The following PCDH9 variants were observed in gnomAD, a reference collection of about 807,000 sequenced individuals.
The protein encoded by PCDH9 is protocadherin 9.
A neutral mutation model predicts 70.6 loss-of-function variants in PCDH9; 24 were observed. The observed-to-expected ratio is 0.34, with a 90% confidence interval of 0.25 to 0.48. The LOEUF (loss-of-function observed/expected upper bound fraction) is 0.48, where lower values mean the gene tolerates loss of function less well. PCDH9 is among the 20% of genes least tolerant of loss of function. The pLI is 0.99. For missense variants in PCDH9, 1,281 were observed against 1,503.6 expected (o/e 0.85, Z 2.45); for synonymous variants, 562 against 558.5 (o/e 1.01, Z -0.09).
At chr13:66,326,088 C>A (rs572508514) in intron 4 of PCDH9, among the ~76,000 whole-genome samples, 1 of 152,258 alleles carries the variant, frequency 6.6e-6, no homozygotes, top group Admixed American at 6.5e-5. Flanking sequence ...TTTTACTCAC[C>A]TCTGGCTTCT....
chr13:66,992,080 G>A (rs2084014618), intron 2 of PCDH9, among the ~76,000 whole-genome samples: 1 of 151,944 alleles, frequency 6.6e-6, no homozygotes, highest in Admixed American at 6.6e-5. Flanking sequence ...CAGATTTTTT[G>A]ATAAATATAT....
At chr13:66,852,830 A>G (rs951757092) in intron 3 of PCDH9, among the ~76,000 whole-genome samples, 4 of 152,146 alleles carry the variant, frequency 2.6e-5, no homozygotes, top group South Asian at 2.1e-4. Context: ...ACAAATACAG[A>G]TTCCTGAACT....
intron 4 of PCDH9, among the ~76,000 whole-genome samples, chr13:66,487,157 C>G (rs1023882897): frequency 6.6e-6 from 1 of 152,126 alleles, no homozygotes; most frequent in Non-Finnish European, 1.5e-5. Context: ...GACAATGATT[C>G]TCTTGTTTTG....
intron 2 of PCDH9, among the ~76,000 whole-genome samples, chr13:67,058,075 T>C (rs1334418622): frequency 2.0e-5 from 3 of 152,184 alleles, no homozygotes; most frequent in South Asian, 2.1e-4. Context: ...AGAGTTCTTA[T>C]ACGTTATATT....
Position 66,445,077 on chromosome 13 carries a change from C to A in PCDH9, c.3341-140049G>T, listed in dbSNP as rs1958046249. Among the ~76,000 whole-genome samples the A allele has an allele frequency of 2.1e-5, 3 of 146,096 alleles. No individual in the cohort carries two copies. In the South Asian group the frequency reaches 6.3e-4, roughly 31 times the overall value. On this transcript the variant is annotated intron_variant, in intron 4 of 4. Transcript: ENST00000377865. ...AATATATATATAATATGTATTATAT[C>A]TATCATATATAATATTATATATAAT...
intron 2 of PCDH9, among the ~76,000 whole-genome samples, chr13:66,962,468 G>A (rs1297166227): frequency 1.3e-5 from 2 of 152,156 alleles, no homozygotes; most frequent in African/African-American, 4.8e-5. Context: ...TGTCATTGTG[G>A]GAACATCACA....
intron 2 of PCDH9, among the ~76,000 whole-genome samples, chr13:67,189,986 C>G (rs2088866438): frequency 6.6e-6 from 1 of 151,990 alleles, no homozygotes; most frequent in Admixed American, 6.6e-5. Context: ...CAAAATTAGT[C>G]TACCAAAGGC....
intron 3 of PCDH9, among the ~76,000 whole-genome samples, chr13:66,885,831 C>A (rs1214532934): frequency 2.0e-5 from 3 of 152,098 alleles, no homozygotes; most frequent in Non-Finnish European, 4.4e-5. Flanking sequence ...ACCTTAGACC[C>A]AGAAATAGCT....
chr13:66,975,703 G>T (rs568197081), intron 2 of PCDH9, among the ~76,000 whole-genome samples: 8 of 151,822 alleles, frequency 5.3e-5, no homozygotes, highest in Non-Finnish European at 7.4e-5. Context: ...TTTATTAAGC[G>T]CCCACTATGT....
At chr13:66,711,368 A>G (rs962911578) in intron 3 of PCDH9, among the ~76,000 whole-genome samples, 1 of 150,712 alleles carries the variant, frequency 6.6e-6, no homozygotes, top group Non-Finnish European at 1.5e-5. Flanking sequence ...AGGGATCTAT[A>G]TGTATTGACG....
chr13:66,659,529 TAA>T (rs2077977274), intron 3 of PCDH9, among the ~76,000 whole-genome samples: 1 of 57,836 alleles, frequency 1.7e-5, no homozygotes, highest in Non-Finnish European at 3.7e-5. Flanking sequence ...TCCCTCCACT[TAA>T]GTTATGTTTG....
intron 2 of PCDH9, chr13:67,212,825 G>C (rs1408071403): frequency 6.6e-6 from 1 of 152,072 alleles, no homozygotes; most frequent in Non-Finnish European, 1.5e-5. Context: ...GAAAGGTACA[G>C]TCCAGGAAAT....
Position 67,225,999 on chromosome 13 carries a change from G to C in PCDH9, c.2442C>G (p.Thr814=), listed in dbSNP as rs371645917. The C allele has an allele frequency of 7.4e-6, 12 of 1,614,022 alleles. No homozygotes were observed. The highest frequency in any genetic ancestry group is 9.3e-6 in the Non-Finnish European group (11 of 1,179,984). The part of the protein sequence containing the change: ...SQPYQNEDYL[T]IMIAIIAGAM... ...CACCGGCGATGATGGCAATCATGATGGTTAGATAGTCCTCATTTTGATAGG... is the reference window on the plus strand; with the variant it reads ...CACCGGCGATGATGGCAATCATGATCGTTAGATAGTCCTCATTTTGATAGG... Residue 814 remains threonine (T), a synonymous_variant, in exon 2 of 5, where the codon ACC becomes ACG. Transcript: ENST00000377865.
At chr13:66,330,749 T>C (rs1319113856) in intron 4 of PCDH9, among the ~76,000 whole-genome samples, 2 of 152,212 alleles carry the variant, frequency 1.3e-5, no homozygotes, top group Admixed American at 1.3e-4. Context: ...AAACCTTGCA[T>C]GTAATCATAC....
At chr13:66,889,532 G>A (rs1379437567) in intron 3 of PCDH9, among the ~76,000 whole-genome samples, 1 of 152,082 alleles carries the variant, frequency 6.6e-6, no homozygotes, top group Non-Finnish European at 1.5e-5. Flanking sequence ...GACTCAAGTG[G>A]AGGAGAAACA....
intron 2 of PCDH9, among the ~76,000 whole-genome samples, chr13:67,026,487 C>A (rs1483774958): frequency 6.6e-6 from 1 of 152,026 alleles, no homozygotes; most frequent in Non-Finnish European, 1.5e-5. Context: ...GGAAGCATTC[C>A]CTTTGAAAAC....
chr13:67,060,707 T>C (rs1192131942), intron 2 of PCDH9, among the ~76,000 whole-genome samples: 1 of 152,084 alleles, frequency 6.6e-6, no homozygotes, highest in Admixed American at 6.6e-5. Context: ...TAAATCACTC[T>C]CAGAGCAATA....
At chr13:66,594,658 CCCACCCTCCT>C (rs2077080275) in intron 4 of PCDH9, among the ~76,000 whole-genome samples, 1 of 151,458 alleles carries the variant, frequency 6.6e-6, no homozygotes, top group Non-Finnish European at 1.5e-5. Flanking sequence ...TAATGCTCTC[CCCACCCTCCT>C]CCATCAGGTC....
chr13:66,351,854 T>TA (rs1036959980), intron 4 of PCDH9, among the ~76,000 whole-genome samples: 2 of 151,928 alleles, frequency 1.3e-5, no homozygotes, highest in Admixed American at 1.3e-4. Context: ...TTTCTTTTTT[T>TA]TTAAGACAGA....
Sources: gnomAD v4.1 joint callset for allele counts (sites outside exome capture counted in the v4.1 genomes callset) on GRCh38, gnomAD v4.1.1 for gene constraint, MANE v1.5 for transcripts, NCBI Gene and HGNC (gene_info 2026-07-23, HGNC 2026-07-21) for gene names.